Variants in RERG observed in about 807,000 individuals in gnomAD.
RERG encodes RAS like estrogen regulated growth inhibitor.
In RERG, 25 loss-of-function variants were observed where a neutral mutation model predicts 23.2. That is an observed-to-expected ratio of 1.08 (90% confidence interval 0.79 to 1.50). The LOEUF is 1.50. RERG is among the 40% of genes most tolerant of loss of function. The pLI, the probability that RERG is intolerant of heterozygous loss-of-function variation, is 0.00. For missense variants in RERG, 253 were observed against 250.1 expected (o/e 1.01, Z -0.08); for synonymous variants, 81 against 89.1 (o/e 0.91, Z 0.51).
chr12:15,169,429 G>A (rs1442966159), intron 2 of RERG, among the ~76,000 whole-genome samples: 1 of 152,202 alleles, frequency 6.6e-6, no homozygotes, highest in Non-Finnish European at 1.5e-5. Context: ...GAAGAAGGAA[G>A]GGAGAATTTG....
chr12:15,210,990 A>AC (rs1865358544), intron 2 of RERG, among the ~76,000 whole-genome samples: 1 of 152,202 alleles, frequency 6.6e-6, no homozygotes, highest in East Asian at 1.9e-4. Context: ...CAACTACACA[A>AC]GAAATCAATA....
At chr12:15,153,913 G>A (rs974639846) in intron 2 of RERG, among the ~76,000 whole-genome samples, 1 of 152,106 alleles carries the variant, frequency 6.6e-6, no homozygotes, top group South Asian at 2.1e-4. Flanking sequence ...ATATGACTAT[G>A]TTCTTATGAA....
chr12:15,131,897 TAC>T (rs1864054788), intron 2 of RERG, among the ~76,000 whole-genome samples: 1 of 152,134 alleles, frequency 6.6e-6, no homozygotes, highest in South Asian at 2.1e-4. Context: ...TGGCTACCTT[TAC>T]ACCCCATAAG....
At chr12:15,157,593 T>C (rs1219243968) in intron 2 of RERG, among the ~76,000 whole-genome samples, 1 of 152,194 alleles carries the variant, frequency 6.6e-6, no homozygotes, top group African/African-American at 2.4e-5. Flanking sequence ...TCCCACATTA[T>C]ACTTACAAAC....
In RERG at chr12:15,140,131, A is replaced by C. The variant is rs187499466; in HGVS notation, c.62-19012T>G. ...GTCTCTCCAAAACTAATATATGAAAATCCTAACCCCTAAGTTGATAATATT... is the reference window on the plus strand; with the variant it reads ...GTCTCTCCAAAACTAATATATGAAACTCCTAACCCCTAAGTTGATAATATT... On this transcript the variant is annotated intron_variant, in intron 2 of 4. Transcript: ENST00000256953. Among the ~76,000 whole-genome samples the C allele has an allele frequency of 7.7e-4, 117 of 152,280 alleles. 1 individual carries two copies. The Middle Eastern group carries it at 0.01, about 13-fold the overall frequency.
intron 2 of RERG, among the ~76,000 whole-genome samples, chr12:15,141,878 T>G (rs1269094586): frequency 6.6e-6 from 1 of 152,254 alleles, no homozygotes; most frequent in African/African-American, 2.4e-5. Context: ...TTTTTTCACA[T>G]TTATTTTGGC....
intron 1 of RERG, chr12:15,218,194 TG>T (rs1462884041): frequency 1.3e-5 from 2 of 152,350 alleles, no homozygotes; most frequent in Admixed American, 1.3e-4. Flanking sequence ...TATATTTTGC[TG>T]GACACAATGC....
rs576306588 is a variant in RERG at position 15,161,023 on chromosome 12, T to C, written c.62-39904A>G. On this transcript the variant is annotated intron_variant, in intron 2 of 4. Transcript: ENST00000256953. ...GGCGGCACATGCTTGTAGTCACAGCTACCCGGGAGGTTGAGGCATGAGAAT... is the reference window on the plus strand; with the variant it reads ...GGCGGCACATGCTTGTAGTCACAGCCACCCGGGAGGTTGAGGCATGAGAAT... Among the ~76,000 whole-genome samples the C allele has an allele frequency of 3.3e-5, 5 of 152,032 alleles. No homozygotes were observed. The South Asian group carries it at 1.0e-3, about 32-fold the overall frequency.
intron 2 of RERG, among the ~76,000 whole-genome samples, chr12:15,147,767 T>C (rs1864359057): frequency 6.6e-6 from 1 of 152,204 alleles, no homozygotes; most frequent in Non-Finnish European, 1.5e-5. Context: ...GTTTACTACT[T>C]GGGAAAATGT....
chr12:15,213,435 T>C (rs1175204242), intron 2 of RERG, among the ~76,000 whole-genome samples: 1 of 152,200 alleles, frequency 6.6e-6, no homozygotes, highest in African/African-American at 2.4e-5. Flanking sequence ...AGTAAATGTT[T>C]ACCCGGCTGG....
chr12:15,162,194 G>A (rs1418360875), intron 2 of RERG, among the ~76,000 whole-genome samples: 1 of 152,164 alleles, frequency 6.6e-6, no homozygotes, highest in Non-Finnish European at 1.5e-5. Flanking sequence ...GAGGGCCGAA[G>A]GACCTAAATC....
intron 2 of RERG, among the ~76,000 whole-genome samples, chr12:15,174,841 A>G (rs1864825805): frequency 6.6e-6 from 1 of 151,756 alleles, no homozygotes; most frequent in African/African-American, 2.4e-5. Context: ...GATATTCTCT[A>G]TTTGGTGAGA....
At chr12:15,191,689 T>C (rs752715841) in intron 2 of RERG, among the ~76,000 whole-genome samples, 44 of 152,166 alleles carry the variant, frequency 2.9e-4, no homozygotes, top group Non-Finnish European at 5.3e-4. Context: ...TGCTATGCTA[T>C]TTCTTCCACT....
At chr12:15,149,308 T>C (rs1184460689) in intron 2 of RERG, among the ~76,000 whole-genome samples, 1 of 152,190 alleles carries the variant, frequency 6.6e-6, no homozygotes, top group Non-Finnish European at 1.5e-5. Context: ...GCTTTCCTTA[T>C]ATAGACTGAA....
chr12:15,211,572 GT>G (rs895960850), intron 2 of RERG, among the ~76,000 whole-genome samples: 17 of 152,150 alleles, frequency 1.1e-4, no homozygotes, highest in African/African-American at 4.1e-4. Flanking sequence ...AGGGTACAAA[GT>G]TTCAGTTACA....
intron 2 of RERG, among the ~76,000 whole-genome samples, chr12:15,127,514 C>T (rs898767254): frequency 6.6e-6 from 1 of 152,192 alleles, no homozygotes; most frequent in Non-Finnish European, 1.5e-5. Context: ...AGACCCATCA[C>T]TCTTACTCTC....
chr12:15,217,612 A>G lies in RERG; in HGVS notation c.-114-9T>C, dbSNP rs1865461234. The G allele has an allele frequency of 1.4e-6, 1 of 720,762 alleles. No homozygotes were observed. The highest frequency in any genetic ancestry group is 2.4e-6 in the Non-Finnish European group (1 of 410,152). 44.6% of individuals were successfully genotyped at this position (720,762 alleles called of 1,614,324 possible). A position where few individuals can be genotyped will look rare whatever the true frequency, so the allele number is the denominator to read the frequency against. On this transcript the variant is annotated splice_polypyrimidine_tract_variant and intron_variant, in intron 1 of 4. Coordinates refer to ENST00000256953, the MANE Select transcript of RERG (RefSeq NM_032918.3). ...TGGAAGAGTCCACAATCCTTAAACA[A>G]AAGAAATTTGGGAATTCATAAGTGA...
intron 2 of RERG, among the ~76,000 whole-genome samples, chr12:15,151,127 T>C (rs573205334): frequency 6.6e-6 from 1 of 152,326 alleles, no homozygotes; most frequent in East Asian, 1.9e-4. Context: ...AAAATCAGTC[T>C]TGGTTTTGTT....
At chr12:15,155,048 A>G (rs182275320) in intron 2 of RERG, 4 of 152,332 alleles carry the variant, frequency 2.6e-5, no homozygotes, top group Admixed American at 2.6e-4. Context: ...ATTAATTGGG[A>G]TAAGAAACTC....
Sources: gnomAD v4.1 joint callset for allele counts (sites outside exome capture counted in the v4.1 genomes callset) on GRCh38, gnomAD v4.1.1 for gene constraint, MANE v1.5 for transcripts, NCBI Gene and HGNC (gene_info 2026-07-23, HGNC 2026-07-21) for gene names.